Variants in CNTN6 observed in about 807,000 individuals in gnomAD.
CNTN6 encodes the protein contactin 6, also known as contactin-6.
Under a neutral mutation model 122.8 loss-of-function variants are expected in CNTN6, and 137 were observed. That is an observed-to-expected ratio of 1.12 (90% CI 0.97 to 1.29). CNTN6 has a LOEUF of 1.29. Among genes scored for constraint, CNTN6 ranks in the 50% most tolerant of loss-of-function variants. The probability of loss-of-function intolerance (pLI) is 0.00; values close to 1 mark genes in which losing one functional copy is unlikely to be tolerated. For missense variants in CNTN6, 1,634 were observed against 1,223.4 expected (o/e 1.34, Z -5.01); for synonymous variants, 570 against 426.0 (o/e 1.34, Z -4.16).
At chr3:1,337,496 C>G (rs915407197) in intron 11 of CNTN6, among the ~76,000 whole-genome samples, 1 of 152,112 alleles carries the variant, frequency 6.6e-6, no homozygotes, top group African/African-American at 2.4e-5. Flanking sequence ...CTTCTCTACC[C>G]CTTCCTCCTC....
intron 1 of CNTN6, among the ~76,000 whole-genome samples, chr3:1,133,976 G>A (rs1473226265): frequency 6.6e-6 from 1 of 150,394 alleles, no homozygotes; most frequent in East Asian, 2.0e-4. Flanking sequence ...ACAATCAATC[G>A]GCCTCCTGTG....
Position 1,102,712 on chromosome 3 carries a change from G to A in CNTN6, c.-83+9592G>A, listed in dbSNP as rs376768215. On this transcript the variant is annotated intron_variant, in intron 1 of 22. Coordinates refer to ENST00000446702, the MANE Select transcript of CNTN6 (RefSeq NM_001289080.2). ...CACCGCCCTCCAGCCTGGGCGACAG[G>A]GCGAGACTCCGTCTCAAAAAATAAA... Among the ~76,000 whole-genome samples, 796 of 137,210 alleles carry A rather than the reference G, an allele frequency of 5.8e-3. 2 individuals carry two copies. The highest frequency in any genetic ancestry group is 7.3e-3 in the Non-Finnish European group (436 of 60,110). The allele number at this position is 137,210 out of a possible 152,430, so 90.0% of individuals were successfully genotyped here. A position where few individuals can be genotyped will look rare whatever the true frequency, so the allele number is the denominator to read the frequency against.
chr3:1,298,034 T>C, intron 7 of CNTN6, 43 bp downstream of exon 7: 1 of 1,362,412 alleles, frequency 7.3e-7, no homozygotes, highest in Non-Finnish European at 1.0e-6. Context: ...GTTGCATTAA[T>C]TTTTTTTTAT....
chr3:1,240,474 T>TA (rs2094468499), intron 4 of CNTN6, among the ~76,000 whole-genome samples: 1 of 152,062 alleles, frequency 6.6e-6, no homozygotes, highest in Admixed American at 6.6e-5. Context: ...CACAATGCAA[T>TA]ACGACCTCCC....
At chr3:1,234,141 A>G (rs1302403858) in intron 4 of CNTN6, among the ~76,000 whole-genome samples, 1 of 152,210 alleles carries the variant, frequency 6.6e-6, no homozygotes, top group Admixed American at 6.5e-5. Context: ...TACTTGCCCA[A>G]GGTCAACTAA....
chr3:1,206,407 T>G (rs550182544), intron 2 of CNTN6, among the ~76,000 whole-genome samples: 2 of 152,154 alleles, frequency 1.3e-5, no homozygotes, highest in South Asian at 2.1e-4. Context: ...GGATGGAAGC[T>G]TTCTTTCTAA....
chr3:1,272,001 G>T (rs965728208), intron 4 of CNTN6, among the ~76,000 whole-genome samples: 1 of 152,076 alleles, frequency 6.6e-6, no homozygotes, highest in Non-Finnish European at 1.5e-5. Flanking sequence ...GAATCATGGG[G>T]GCAGGTTTTA....
chr3:1,232,338 AG>A (rs2094362681), intron 4 of CNTN6, among the ~76,000 whole-genome samples: 1 of 152,340 alleles, frequency 6.6e-6, no homozygotes, highest in South Asian at 2.1e-4. Context: ...AAGCAACCGG[AG>A]AACACCTAAT....
chr3:1,266,203 C>T (rs983429907), intron 4 of CNTN6, among the ~76,000 whole-genome samples: 2 of 152,088 alleles, frequency 1.3e-5, no homozygotes, highest in Admixed American at 1.3e-4. Context: ...TTCCCTCCCT[C>T]CCTTTATCTA....
intron 7 of CNTN6, among the ~76,000 whole-genome samples, chr3:1,308,183 CTTTG>C (rs1321839356): frequency 4.6e-5 from 7 of 151,916 alleles, no homozygotes; most frequent in African/African-American, 1.7e-4. Flanking sequence ...TTCTGTGCTA[CTTTG>C]TTTATTTTGC....
chr3:1,167,913 T>C (rs866016295), intron 2 of CNTN6, among the ~76,000 whole-genome samples: 1 of 152,112 alleles, frequency 6.6e-6, no homozygotes, highest in African/African-American at 2.4e-5. Context: ...CTTTTTTTCA[T>C]TTCATTTATT....
intron 2 of CNTN6, among the ~76,000 whole-genome samples, chr3:1,151,979 T>G (rs2092853343): frequency 6.6e-6 from 1 of 152,032 alleles, no homozygotes; most frequent in African/African-American, 2.4e-5. Flanking sequence ...AAATCTACAT[T>G]TCTTAAAGTA....
chr3:1,256,872 C>T (rs1016868254), intron 4 of CNTN6, among the ~76,000 whole-genome samples: 3 of 151,974 alleles, frequency 2.0e-5, no homozygotes, highest in African/African-American at 7.2e-5. Context: ...TACTCATTTG[C>T]CAATTATATC....
chr3:1,162,782 G>T lies in CNTN6; in HGVS notation c.55+14719G>T, dbSNP rs1279619851. ...GATTGATGGCACAGATGGGCTTGAA[G>T]AACTGGTTTCAGAAGTGCCATCTTC... On this transcript the variant is annotated intron_variant, in intron 2 of 22. Transcript: ENST00000446702. Among the ~76,000 whole-genome samples the T allele has an allele frequency of 5.3e-5, 8 of 152,334 alleles. No homozygotes were observed. In the South Asian group the frequency reaches 1.4e-3, roughly 28 times the overall value.
chr3:1,120,323 A>G (rs1323935671), intron 1 of CNTN6, among the ~76,000 whole-genome samples: 4 of 151,988 alleles, frequency 2.6e-5, no homozygotes, highest in Admixed American at 2.0e-4. Flanking sequence ...TGCCAGCAAT[A>G]TACGAAAGGT....
rs1399814465 is a variant in CNTN6 at position 1,373,698 on chromosome 3, C to A, written c.1881C>A (p.Pro627=). 2 of 1,612,990 alleles carry A rather than the reference C, an allele frequency of 1.2e-6. No individual in the cohort carries two copies. ...GAGCAGGCCCAGATAATAACAGTCC[C>A]ATTCAAATATTTACTATTCAGACTC... The part of the protein sequence containing the change: ...SWRAGPDNNS[P]IQIFTIQTRT... Residue 627 remains proline (P), a synonymous_variant, in exon 15 of 23, where the codon CCC becomes CCA. Coordinates refer to ENST00000446702, the MANE Select transcript of CNTN6 (RefSeq NM_001289080.2).
chr3:1,384,437 A>T (rs970748377), intron 19 of CNTN6, among the ~76,000 whole-genome samples: 1 of 152,174 alleles, frequency 6.6e-6, no homozygotes, highest in South Asian at 2.1e-4. Flanking sequence ...ATGAAAAAAA[A>T]TACCTAGATT....
chr3:1,321,235 A>G (rs577587676), intron 7 of CNTN6, among the ~76,000 whole-genome samples: 1 of 151,914 alleles, frequency 6.6e-6, no homozygotes, highest in African/African-American at 2.4e-5. Flanking sequence ...ATGTTCTCAC[A>G]AAGAATTTCC....
At chr3:1,364,034 T>G (rs560496988) in intron 12 of CNTN6, among the ~76,000 whole-genome samples, 15 of 152,078 alleles carry the variant, frequency 9.9e-5, no homozygotes, top group African/African-American at 3.4e-4. Flanking sequence ...TTCACATACC[T>G]ATTGGCTATT....
Sources: allele counts gnomAD v4.1 joint callset (sites outside exome capture counted in the v4.1 genomes callset), GRCh38; gene constraint gnomAD v4.1.1; transcripts MANE v1.5; gene names NCBI Gene and HGNC (gene_info 2026-07-23, HGNC 2026-07-21).